The following ATXN7L1 variants were observed in gnomAD, a reference collection of about 807,000 sequenced individuals.
ATXN7L1 encodes ataxin-7-like protein 1.
Under a neutral mutation model 70.8 loss-of-function variants are expected in ATXN7L1, and 15 were observed. The observed-to-expected ratio is 0.21, with a 90% CI of 0.14 to 0.33. The LOEUF is 0.33. Among genes scored for constraint, ATXN7L1 ranks in the 10% least tolerant of loss-of-function variants. ATXN7L1 has a pLI of 1.00. For synonymous variants in ATXN7L1, 440 were observed against 445.1 expected (o/e 0.99, Z 0.14); for missense variants, 975 against 1,097.1 (o/e 0.89, Z 1.57).
intron 3 of ATXN7L1, among the ~76,000 whole-genome samples, chr7:105,721,889 A>G (rs1795224436): frequency 2.0e-5 from 3 of 152,236 alleles, no homozygotes; most frequent in South Asian, 2.1e-4. Context: ...GAATGAGAAT[A>G]GGGTAGCCTA....
intron 2 of ATXN7L1, among the ~76,000 whole-genome samples, chr7:105,844,629 A>T (rs1306399444): frequency 1.3e-5 from 2 of 152,252 alleles, no homozygotes; most frequent in Non-Finnish European, 2.9e-5. Flanking sequence ...CATACTTAAT[A>T]GTAAGAGATT....
chr7:105,843,892 A>G (rs1341321562), intron 2 of ATXN7L1, among the ~76,000 whole-genome samples: 1 of 152,218 alleles, frequency 6.6e-6, no homozygotes, highest in African/African-American at 2.4e-5. Flanking sequence ...ATTTGTTATT[A>G]TCTCTCACAG....
chr7:105,637,678 CT>C (rs1232689665), intron 7 of ATXN7L1, among the ~76,000 whole-genome samples: 3 of 152,154 alleles, frequency 2.0e-5, no homozygotes, highest in African/African-American at 2.4e-5. Flanking sequence ...TTTTAAATTA[CT>C]TTTAATCCAA....
chr7:105,757,110 G>C (rs191305726), intron 3 of ATXN7L1, among the ~76,000 whole-genome samples: 1 of 152,072 alleles, frequency 6.6e-6, no homozygotes, highest in Admixed American at 6.6e-5. Context: ...GACATAGAGG[G>C]GAATAAAAGA....
intron 3 of ATXN7L1, among the ~76,000 whole-genome samples, chr7:105,693,159 A>G (rs1365704559): frequency 1.3e-5 from 2 of 152,100 alleles, no homozygotes; most frequent in African/African-American, 4.8e-5. Context: ...ATTCCAAGAG[A>G]ACCTGGGTGT....
At chr7:105,868,580 T>C (rs1817812579) in intron 2 of ATXN7L1, among the ~76,000 whole-genome samples, 1 of 152,184 alleles carries the variant, frequency 6.6e-6, no homozygotes, top group African/African-American at 2.4e-5. Context: ...TACTATAGGT[T>C]TCTATCATTC....
chr7:105,817,819 C>T (rs1054470795), intron 2 of ATXN7L1, among the ~76,000 whole-genome samples: 2 of 152,060 alleles, frequency 1.3e-5, no homozygotes, highest in South Asian at 2.1e-4. Flanking sequence ...TCAGCTACTC[C>T]GGAGGCTGAG....
chr7:105,679,195 G>A (rs1805203077), intron 3 of ATXN7L1: 3 of 949,108 alleles, frequency 3.2e-6, no homozygotes, highest in Non-Finnish European at 3.8e-6. Context: ...AAGAGAGCAC[G>A]CCCAGACGAG....
Position 105,614,018 on chromosome 7 carries a change from A to G in ATXN7L1, c.2316T>C (p.Phe772=). Residue 772 remains phenylalanine, a synonymous_variant, in exon 10 of 12, where the codon TTT becomes TTC. Transcript: ENST00000419735. The surrounding 1 kb of genome is among the most constrained non-coding windows in gnomAD (Gnocchi z 4.3). ...TACGCTTTTTTCCTTCTGATTTGTC[A>G]AAAGAGAGGGGCAGAGAAGACACAG... ...HNAVSSLPLS[F]DKSEGKKRKN... The G allele has an allele frequency of 1.3e-6, 2 of 1,552,036 alleles. No individual in the cohort carries two copies. The highest frequency in any genetic ancestry group is 1.7e-6 in the Non-Finnish European group (2 of 1,147,066).
At chr7:105,743,995 T>G (rs2116367453) in intron 3 of ATXN7L1, among the ~76,000 whole-genome samples, 1 of 152,214 alleles carries the variant, frequency 6.6e-6, no homozygotes, top group East Asian at 1.9e-4. Flanking sequence ...CTTTAATGGG[T>G]TTGAAACAGC....
At chr7:105,798,171 TGGA>T in intron 2 of ATXN7L1, among the ~76,000 whole-genome samples, 1 of 152,320 alleles carries the variant, frequency 6.6e-6, no homozygotes, top group Middle Eastern at 3.4e-3. Flanking sequence ...GAGCCGTCAG[TGGA>T]GAAGTGGTCT....
chr7:105,627,409 A>T lies in ATXN7L1; in HGVS notation c.1203-3142T>A, dbSNP rs570002771. On this transcript the variant is annotated intron_variant, in intron 7 of 11. Coordinates refer to ENST00000419735, the MANE Select transcript of ATXN7L1 (RefSeq NM_020725.2). ...GTCACAGTATCTGGCTAATTTTAAAATTTTTTATAGAGACAGGGTCTTGCT... is the reference window on the plus strand; with the variant it reads ...GTCACAGTATCTGGCTAATTTTAAATTTTTTTATAGAGACAGGGTCTTGCT... Among the ~76,000 whole-genome samples, 15 of 152,010 alleles carry T rather than the reference A, an allele frequency of 9.9e-5. 1 individual carries two copies. Among genetic ancestry groups the T allele is most frequent in the African/African-American group, 3.6e-4 (15 of 41,470 alleles).
Position 105,778,557 on chromosome 7 carries a change from G to A in ATXN7L1, c.355+10047C>T, listed in dbSNP as rs1325514350. 2.1e-5 allele frequency among the ~76,000 whole-genome samples: 3 copies of A among 141,392 alleles called. No individual in the cohort carries two copies. The East Asian group carries it at 6.6e-4, about 31-fold the overall frequency. 92.8% of individuals were successfully genotyped at this position (141,392 alleles called of 152,430 possible). On this transcript the variant is annotated intron_variant, in intron 3 of 11. Transcript: ENST00000419735. Reference sequence around the variant, plus strand: ...AAAACAAAGACTAAATAATCCTAAAGTTATGAAGATCCTATTAATTTATTT... The same window carrying A: ...AAAACAAAGACTAAATAATCCTAAAATTATGAAGATCCTATTAATTTATTT...
intron 2 of ATXN7L1, among the ~76,000 whole-genome samples, chr7:105,792,619 A>C (rs1805417925): frequency 6.6e-6 from 1 of 152,212 alleles, no homozygotes; most frequent in African/African-American, 2.4e-5. Context: ...ACAGTTAAAA[A>C]CAGTGGTGAG....
At chr7:105,622,018 C>T (rs903729988) in intron 8 of ATXN7L1, among the ~76,000 whole-genome samples, 3 of 152,182 alleles carry the variant, frequency 2.0e-5, no homozygotes, top group Non-Finnish European at 4.4e-5. Context: ...GGGAATTTTC[C>T]GACATAGAAG....
chr7:105,698,828 T>C (rs1194014329), intron 3 of ATXN7L1, among the ~76,000 whole-genome samples: 1 of 152,246 alleles, frequency 6.6e-6, no homozygotes, highest in Non-Finnish European at 1.5e-5. Flanking sequence ...CAGCTATCTT[T>C]GCATGCTAGC....
chr7:105,761,146 T>G, intron 3 of ATXN7L1: 1 of 1,242,666 alleles, frequency 8.0e-7, no homozygotes, highest in Non-Finnish European at 1.0e-6. Flanking sequence ...TTAGACCAGC[T>G]TTGTGGTGGT....
Position 105,614,507 on chromosome 7 carries a change from G to A in ATXN7L1, c.1827C>T (p.Ala609=), listed in dbSNP as rs1194656776. 51 of 1,532,906 alleles carry A rather than the reference G, an allele frequency of 3.3e-5. No individual in the cohort carries two copies. Among genetic ancestry groups the A allele is most frequent in the Middle Eastern group, 3.4e-4 (2 of 5,904 alleles). 95.0% of individuals were successfully genotyped at this position (1,532,906 alleles called of 1,614,324 possible). ...KAPSAVSPIP[A]VIPSPSHKPS... ...GCTTGTGGGATGGGGAAGGGATGAC[G>A]GCTGGTATCGGGGACACGGCGGATG... The change falls in exon 10 of 12, where the codon GCC becomes GCT. Residue 609 remains alanine (A), a synonymous_variant. Transcript: ENST00000419735. The surrounding 1 kb of genome is among the most constrained non-coding windows in gnomAD (Gnocchi z 4.3).
chr7:105,686,076 C>T (rs986977729), intron 3 of ATXN7L1, among the ~76,000 whole-genome samples: 8 of 151,790 alleles, frequency 5.3e-5, no homozygotes, highest in African/African-American at 1.9e-4. Flanking sequence ...TTCCTCTCCT[C>T]GTCCATCTAA....
Sources: gnomAD v4.1 joint callset for allele counts (sites outside exome capture counted in the v4.1 genomes callset) on GRCh38, gnomAD v4.1.1 for gene constraint, Gnocchi (gnomAD v3.1) non-coding constraint, MANE v1.5 for transcripts, NCBI Gene and HGNC (gene_info 2026-07-23, HGNC 2026-07-21) for gene names.